The following SULT1A1 variants were observed in gnomAD, a reference collection of about 807,000 sequenced individuals.
The protein encoded by SULT1A1 is sulfotransferase family 1A member 1.
SULT1A1 carries 35 observed loss-of-function variants against 36.8 expected under a neutral mutation model. The observed-to-expected ratio is 0.95, with a 90% CI of 0.73 to 1.26. SULT1A1 has a LOEUF of 1.26. Ranked by LOEUF, SULT1A1 falls within the 50% of genes most tolerant of loss-of-function variation. The probability of loss-of-function intolerance (pLI) is 0.00; values close to 1 mark genes in which losing one functional copy is unlikely to be tolerated. For missense variants in SULT1A1, 309 were observed against 383.0 expected, an observed-to-expected ratio of 0.81 and a Z score of 1.61; for synonymous variants, 119 against 146.0, an observed-to-expected ratio of 0.82 and a Z score of 1.33.
intron 2 of SULT1A1, among the ~76,000 whole-genome samples, chr16:28,617,204 G>C (rs1265278870): frequency 6.6e-6 from 1 of 151,786 alleles, no homozygotes; most frequent in Non-Finnish European, 1.5e-5. Context: ...GTGGAGATGA[G>C]GTTTCATCGT....
chr16:28,618,339 C>T (rs1158971806), intron 2 of SULT1A1, among the ~76,000 whole-genome samples: 1 of 72,414 alleles, frequency 1.4e-5, no homozygotes, highest in Non-Finnish European at 2.4e-5. Flanking sequence ...ACTTCCCGCT[C>T]TTTTTTTTTT....
chr16:28,616,507 C>T (rs563034701), intron 2 of SULT1A1, among the ~76,000 whole-genome samples: 4 of 152,122 alleles, frequency 2.6e-5, no homozygotes, highest in Middle Eastern at 3.4e-3. Context: ...TGGCTGGTCT[C>T]GAACTCCTGA....
intron 2 of SULT1A1, among the ~76,000 whole-genome samples, chr16:28,616,068 C>T (rs146039925): frequency 6.4e-4 from 98 of 152,220 alleles, no homozygotes; most frequent in African/African-American, 8.9e-4. Context: ...CTGGTGTCAC[C>T]GCTAGACCAA....
chr16:28,608,589 T>C lies in SULT1A1; in HGVS notation c.163A>G (p.Ser55Gly), dbSNP rs1339243624. 6.2e-7 allele frequency: 1 copy of C among 1,612,228 alleles called. No homozygotes were observed. Among genetic ancestry groups the C allele is most frequent in the African/African-American group, 1.3e-5 (1 of 74,988 alleles). ...TGGTAGATCATGTCCAGAATCTGGCTTACCCAGGTAGTGCCTGGAGAGGGA... is the reference window on the plus strand; with the variant it reads ...TGGTAGATCATGTCCAGAATCTGGCCTACCCAGGTAGTGCCTGGAGAGGGA... ...TYPKSGTTWV[S>G]QILDMIYQGG... is the part of the protein sequence containing the mutation. The change falls in exon 3 of 8, where the codon AGC (serine) becomes GGC (glycine). Residue 55 changes from serine to glycine, a missense_variant. By Grantham distance (56) the Ser-to-Gly change is moderately conservative. Around this residue, in one of 3 missense-constraint regions of SULT1A1, gnomAD observed 219 missense variants for 215.3 expected, o/e 1.02. Coordinates refer to ENST00000314752, the MANE Select transcript of SULT1A1 (RefSeq NM_001055.4).
intron 1 of SULT1A1, among the ~76,000 whole-genome samples, chr16:28,622,936 A>C (rs887350398): frequency 6.6e-6 from 1 of 152,016 alleles, no homozygotes; most frequent in Non-Finnish European, 1.5e-5. Flanking sequence ...AACTTCTCGC[A>C]ATCAAACACC....
At position 28,622,995 on chromosome 16, in the gene SULT1A1, G is replaced by A. The variant is rs913700539; in HGVS notation, c.67+136C>T. The A allele has an allele frequency of 8.3e-6, 10 of 1,197,672 alleles. No homozygotes were observed. In the East Asian group the frequency reaches 2.3e-4, roughly 28 times the overall value. The allele number at this position is 1,197,672 out of a possible 1,614,324, so 74.2% of individuals were successfully genotyped here. The stretch of plus-strand genomic sequence containing the variant: ...CCCTTCAGGCCTCTGAAGCAGCTCC[G>A]GTCTCAGAGCCCCGGCTCCTGCCCG... On this transcript the variant is annotated intron_variant, in intron 1 of 5. Transcript: ENST00000350842.
rs971663399 is a variant in SULT1A1 at position 28,606,051 on chromosome 16, C to T, written c.775+5G>A. ...CCCCAAACCCCCGTGCTGGCCAGCACCCACCTTTCCTCATGAAGGGGGAGA... is the reference window on the plus strand; with the variant it reads ...CCCCAAACCCCCGTGCTGGCCAGCATCCACCTTTCCTCATGAAGGGGGAGA... On this transcript the variant is annotated splice_donor_5th_base_variant and intron_variant, in intron 7 of 7. Coordinates refer to ENST00000314752, the MANE Select transcript of SULT1A1 (RefSeq NM_001055.4). The T allele has an allele frequency of 5.6e-6, 9 of 1,610,084 alleles. No homozygotes were observed. The highest frequency in any genetic ancestry group is 5.0e-5 in the Admixed American group (3 of 59,698).
At position 28,623,150 on chromosome 16, in the gene SULT1A1, C is replaced by T. The variant is rs565652051; in HGVS notation, c.48G>A (p.Ala16=). 7.1e-6 allele frequency: 11 copies of T among 1,541,690 alleles called. No individual in the cohort carries two copies. In the African/African-American group the frequency reaches 1.4e-4, roughly 20 times the overall value. ...CCTCACCGGCGTAGAAGGCCGAGAC[C>T]GCGATGGGCGCACCGACCACCTGGT... Residue 16 remains alanine (A), a synonymous_variant, in exon 1 of 6, where the codon GCG becomes GCA. Transcript: ENST00000350842.
Position 28,623,366 on chromosome 16 carries a change from G to A in SULT1A1, c.-169C>T, listed in dbSNP as rs115270808. ...GCACGTCCCCGGCGGAGACGAGCGA[G>A]CTACGGCACGCTCGTAGAGCGTAGA... On this transcript the variant is annotated 5_prime_UTR_variant, in exon 1 of 6. Transcript: ENST00000350842. 3.1e-4 allele frequency: 466 copies of A among 1,484,150 alleles called. 2 individuals are homozygous for A. The African/African-American group carries it at 5.9e-3, about 19-fold the overall frequency. The allele number at this position is 1,484,150 out of a possible 1,614,324, so 91.9% of individuals were successfully genotyped here. A position where few individuals can be genotyped will look rare whatever the true frequency, so the allele number is the denominator to read the frequency against.
intron 2 of SULT1A1, among the ~76,000 whole-genome samples, chr16:28,619,792 GAT>G (rs1255799851): frequency 6.7e-6 from 1 of 149,528 alleles, no homozygotes; most frequent in Non-Finnish European, 1.5e-5. Context: ...AAAGAATCCT[GAT>G]ATGATTATAC....
At chr16:28,606,474 G>A (rs79039694) in intron 6 of SULT1A1, among the ~76,000 whole-genome samples, 51,095 of 150,172 alleles carry the variant, frequency 0.34, 8,912 homozygotes, top group Admixed American at 0.4. Flanking sequence ...GTCTTCTTCT[G>A]TGACTGTGGC....
chr16:28,616,292 T>C (rs2047545238), intron 2 of SULT1A1, among the ~76,000 whole-genome samples: 1 of 152,232 alleles, frequency 6.6e-6, no homozygotes, highest in South Asian at 2.1e-4. Context: ...ATCTAAGATC[T>C]ATATCTGGTA....
chr16:28,606,633 A>C (rs2047201209), intron 6 of SULT1A1, 128 bp downstream of exon 6: 2 of 1,435,040 alleles, frequency 1.4e-6, no homozygotes, highest in East Asian at 2.4e-5. Context: ...TGGGCCAAGA[A>C]GGCAGGATGG....
intron 1 of SULT1A1, chr16:28,620,166 G>T (rs2047623409): frequency 1.3e-6 from 2 of 1,597,828 alleles, no homozygotes; most frequent in Non-Finnish European, 1.7e-6. Context: ...AATTTTAAAA[G>T]ATTCAGTAGA....
chr16:28,610,615 CAAG>C (rs2047414963), upstream of SULT1A1: 1 of 186,750 alleles, frequency 5.4e-6, no homozygotes, highest in Non-Finnish European at 1.1e-5. Flanking sequence ...CAAGAAAGAA[CAAG>C]GACACTGCAG....
At chr16:28,610,549 G>A, upstream of SULT1A1, 1 of 273,976 alleles carries the variant, frequency 3.6e-6, no homozygotes, top group South Asian at 3.4e-5. Context: ...AGTCTAGAGG[G>A]ATGTGTGTGG....
exon 1 of SULT1A1, chr16:28,623,286 G>A: frequency 7.1e-6 from 11 of 1,539,822 alleles, no homozygotes; most frequent in Non-Finnish European, 9.6e-6. Flanking sequence ...CACCAACGTG[G>A]CCACGCGCCG....
In SULT1A1 at chr16:28,620,181, T is replaced by C. The variant is rs763771343; in HGVS notation, c.68-48A>G. 15 of 1,551,692 alleles carry C rather than the reference T, an allele frequency of 9.7e-6. No homozygotes were observed. The East Asian group carries it at 3.4e-4, about 35-fold the overall frequency. On this transcript the variant is annotated intron_variant, in intron 1 of 5. Transcript: ENST00000350842. ...AATTTTAAAAGATTCAGTAGAGTACTGTATAACAGTTCATGTTTAAGTTTA... is the reference window on the plus strand; with the variant it reads ...AATTTTAAAAGATTCAGTAGAGTACCGTATAACAGTTCATGTTTAAGTTTA...
Position 28,606,874 on chromosome 16 carries a change from G to A in SULT1A1, c.500-19C>T, listed in dbSNP as rs2047218910. On this transcript the variant is annotated intron_variant, in intron 5 of 7. Transcript: ENST00000314752. ...TAGGACACTGGAGAAGCAGGCAAGG[G>A]GTGCCAACACAGGGTTGCTGTGCGT... 6.2e-7 allele frequency: 1 copy of A among 1,612,442 alleles called. No homozygotes were observed. The highest frequency in any genetic ancestry group is 8.5e-7 in the Non-Finnish European group (1 of 1,178,658).
Sources: gnomAD v4.1 joint callset for allele counts (sites outside exome capture counted in the v4.1 genomes callset) on GRCh38, gnomAD v4.1.1 for gene constraint, gnomAD v4.1.1 regional missense constraint, MANE v1.5 for transcripts, NCBI Gene and HGNC (gene_info 2026-07-23, HGNC 2026-07-21) for gene names.